Variants in LOXHD1 observed in about 807,000 individuals in gnomAD.
LOXHD1 encodes lipoxygenase homology PLAT domains 1, also known as lipoxygenase homology domain-containing protein 1.
Under a neutral mutation model 248.2 loss-of-function variants are expected in LOXHD1, and 205 were observed. That is an observed-to-expected ratio of 0.83 (90% CI 0.74 to 0.93). The LOEUF (loss-of-function observed/expected upper bound fraction) is 0.93, where lower values mean the gene tolerates loss of function less well. Ranked by LOEUF, LOXHD1 falls within the 40% of genes least tolerant of loss-of-function variation. The pLI is 0.00. For synonymous variants in LOXHD1, 1,113 were observed against 1,162.8 expected (o/e 0.96, Z 0.87); for missense variants, 2,930 against 2,971.6 (o/e 0.99, Z 0.33).
At chr18:46,616,751 A>G (rs1011022138) in intron 5 of LOXHD1, among the ~76,000 whole-genome samples, 20 of 152,226 alleles carry the variant, frequency 1.3e-4, no homozygotes, top group Admixed American at 4.6e-4. Flanking sequence ...GGGGTGATAT[A>G]TATCCTTGCT....
intron 6 of LOXHD1, among the ~76,000 whole-genome samples, chr18:46,604,666 C>G (rs989255190): frequency 7.9e-5 from 12 of 152,220 alleles, no homozygotes; most frequent in Admixed American, 7.2e-4. Context: ...AGCCCCACAT[C>G]AGGCACAGTG....
At chr18:46,573,855 C>T (rs1486209676) in intron 14 of LOXHD1, among the ~76,000 whole-genome samples, 1 of 152,162 alleles carries the variant, frequency 6.6e-6, no homozygotes, top group Non-Finnish European at 1.5e-5. Context: ...GGCTTTGGTG[C>T]TGTGAATCTA....
intron 25 of LOXHD1, 61 bp from the exon 26 acceptor site, chr18:46,538,398 T>G (rs903637257): frequency 1.0e-4 from 152 of 1,481,010 alleles, no homozygotes; most frequent in Middle Eastern, 1.9e-4. Flanking sequence ...ACAAACATGG[T>G]GAGAGCCAGT....
chr18:46,482,903 C>G (rs565183638), intron 40 of LOXHD1, among the ~76,000 whole-genome samples: 1 of 152,310 alleles, frequency 6.6e-6, no homozygotes, highest in East Asian at 1.9e-4. Context: ...ATCTTGGATT[C>G]CCCTTTCCAC....
rs1598795734 is a variant in LOXHD1, at chr18:46,477,791, G to A, written c.6503C>T (p.Ala2168Val). Residue 2168 changes from alanine to valine, a missense_variant, in exon 41 of 41, where the codon GCA becomes GTA. Physicochemically the swap from Ala to Val is moderately conservative, Grantham distance 64. Coordinates refer to ENST00000642948, the MANE Select transcript of LOXHD1 (RefSeq NM_001384474.1). ...VIVTTGYEPG[A>V]GTDANVFVTI... ...CACGAAGACGTTGGCATCAGTGCCT[G>A]CCCCTGGCTCATAGCCTGTTGTCAC... 3.9e-6 allele frequency: 6 copies of A among 1,551,856 alleles called. No individual in the cohort carries two copies. In the East Asian group the frequency reaches 1.5e-4, roughly 38 times the overall value.
chr18:46,630,231 G>A (rs1023570067), intron 4 of LOXHD1, among the ~76,000 whole-genome samples: 2 of 152,360 alleles, frequency 1.3e-5, no homozygotes, highest in South Asian at 4.1e-4. Context: ...CCCCAGGTCA[G>A]CTGCAACGCA....
At position 46,483,658 on chromosome 18, in the gene LOXHD1, C is replaced by T. The variant is rs367833904; in HGVS notation, c.6270G>A (p.Arg2090=). Residue 2090 remains arginine (R), a synonymous_variant, in exon 40 of 41, where the codon CGG becomes CGA. Coordinates refer to ENST00000642948, the MANE Select transcript of LOXHD1 (RefSeq NM_001384474.1). ...LCVGHLARED[R]FIPKRELAWH... is the part of the protein sequence containing the mutation. ...AGGCAAGTTCTCTCTTGGGGATAAA[C>T]CGGTCTTCCCTGGCAAGGTGGCCCA... 5.7e-4 allele frequency: 887 copies of T among 1,551,658 alleles called. 4 individuals are homozygous for T. In the African/African-American group the frequency reaches 0.01, roughly 18 times the overall value.
intron 12 of LOXHD1, among the ~76,000 whole-genome samples, chr18:46,583,809 C>G (rs182005404): frequency 1.3e-5 from 2 of 151,134 alleles, no homozygotes; most frequent in African/African-American, 4.9e-5. Context: ...AATAGAAGAA[C>G]CACATGATCC....
intron 8 of LOXHD1, among the ~76,000 whole-genome samples, chr18:46,596,874 T>C (rs328141): frequency 0.76 from 116,070 of 152,118 alleles, 45,434 homozygotes; most frequent in Non-Finnish European, 0.86. Context: ...AGAATGACAG[T>C]GATATAAAAC....
chr18:46,518,052 C>T, intron 34 of LOXHD1, 77 bp downstream of exon 34: 1 of 1,534,050 alleles, frequency 6.5e-7, no homozygotes, highest in Non-Finnish European at 8.8e-7. Context: ...GAGAATCAGC[C>T]TGGCTGAAGG....
intron 8 of LOXHD1, among the ~76,000 whole-genome samples, chr18:46,598,527 TCATTTA>T (rs2038291716): frequency 6.6e-6 from 1 of 151,560 alleles, no homozygotes; most frequent in Non-Finnish European, 1.5e-5. Context: ...AAAACTGTTA[TCATTTA>T]CAATTTGACT....
intron 6 of LOXHD1, among the ~76,000 whole-genome samples, chr18:46,606,219 G>C (rs1173181130): frequency 6.6e-6 from 1 of 152,088 alleles, no homozygotes; most frequent in Non-Finnish European, 1.5e-5. Flanking sequence ...TTAAAATTCT[G>C]CCTGTTCTTT....
intron 21 of LOXHD1, among the ~76,000 whole-genome samples, chr18:46,554,165 G>C (rs1202766874): frequency 1.3e-5 from 2 of 152,162 alleles, no homozygotes; most frequent in East Asian, 3.9e-4. Context: ...CTTCGATCAG[G>C]GGGTGGGGAT....
intron 17 of LOXHD1, 71 bp downstream of exon 17, chr18:46,566,186 C>G: frequency 5.9e-4 from 782 of 1,316,284 alleles, no homozygotes; most frequent in Non-Finnish European, 7.5e-4. Context: ...GCCCCATGGT[C>G]CCTCCTCCTT....
intron 7 of LOXHD1, among the ~76,000 whole-genome samples, chr18:46,603,716 T>C (rs868115571): frequency 6.6e-6 from 1 of 152,174 alleles, no homozygotes; most frequent in East Asian, 1.9e-4. Context: ...ATAGGGTGGT[T>C]GTGAGGACTG....
intron 27 of LOXHD1, chr18:46,533,764 C>T (rs960026595): frequency 1.3e-5 from 4 of 298,442 alleles, no homozygotes; most frequent in Non-Finnish European, 2.7e-5. Context: ...TCTCTACTAA[C>T]AAAATATAAA....
intron 4 of LOXHD1, among the ~76,000 whole-genome samples, chr18:46,629,902 C>A (rs949091861): frequency 1.3e-5 from 2 of 152,116 alleles, no homozygotes; most frequent in Non-Finnish European, 2.9e-5. Context: ...CCTGCATGCG[C>A]CCAGCCCACC....
Position 46,545,293 on chromosome 18 carries a change from C to T in LOXHD1, c.3619+24G>A, listed in dbSNP as rs774179328. ...TCCCTGGGGAAGAATGTGGGTGAAT[C>T]TTGGCCCTGCACTGCTTTCTTACCA... On this transcript the variant is annotated intron_variant, in intron 23 of 40. Transcript: ENST00000642948. 7 of 1,507,972 alleles carry T rather than the reference C, an allele frequency of 4.6e-6. No individual in the cohort carries two copies. In the South Asian group the frequency reaches 7.2e-5, roughly 16 times the overall value. The allele number at this position is 1,507,972 out of a possible 1,614,324, so 93.4% of individuals were successfully genotyped here.
At chr18:46,560,048 T>TGCCATCC in intron 19 of LOXHD1, 35 bp downstream of exon 19, 1 of 1,226,298 alleles carries the variant, frequency 8.2e-7, no homozygotes, top group Non-Finnish European at 1.1e-6. Context: ...GTCTGGCCAC[T>TGCCATCC]CCCTCCCCAC....
Sources: allele counts gnomAD v4.1 joint callset (sites outside exome capture counted in the v4.1 genomes callset), GRCh38; gene constraint gnomAD v4.1.1; transcripts MANE v1.5; gene names NCBI Gene and HGNC (gene_info 2026-07-23, HGNC 2026-07-21).